Variants in NTRK2 observed in about 807,000 individuals in gnomAD.
The protein encoded by NTRK2 is neurotrophic receptor tyrosine kinase 2.
NTRK2 carries 13 observed loss-of-function variants against 94.5 expected under a neutral mutation model. The observed-to-expected ratio is 0.14, with a 90% confidence interval of 0.09 to 0.22. The LOEUF (loss-of-function observed/expected upper bound fraction) is 0.22, where lower values mean the gene tolerates loss of function less well. Among genes scored for constraint, NTRK2 ranks in the 10% least tolerant of loss-of-function variants. The pLI, the probability that NTRK2 is intolerant of heterozygous loss-of-function variation, is 1.00. For missense variants in NTRK2, 639 were observed against 1,071.2 expected, an observed-to-expected ratio of 0.60 and a Z score of 5.63; for synonymous variants, 372 against 407.4, an observed-to-expected ratio of 0.91 and a Z score of 1.05.
chr9:84,960,917 C>A (rs1824841169), intron 17 of NTRK2, among the ~76,000 whole-genome samples: 1 of 152,144 alleles, frequency 6.6e-6, no homozygotes, highest in South Asian at 2.1e-4. Context: ...GGACTCCCAC[C>A]AGGACTCCCA....
chr9:84,926,169 CCTTTCTTTCTTTCTTTCTTTCTTT>C (rs869183621), intron 14 of NTRK2, among the ~76,000 whole-genome samples: 84 of 38,544 alleles, frequency 2.2e-3, no homozygotes, highest in African/African-American at 3.7e-3. Context: ...TTCCTTCCTT[CCTTTCTTTCTTTCTTTCTTTCTTT>C]CTTTCTTTCT....
At chr9:84,835,694 G>A (rs906116962) in intron 12 of NTRK2, among the ~76,000 whole-genome samples, 8 of 152,178 alleles carry the variant, frequency 5.3e-5, no homozygotes, top group Non-Finnish European at 1.0e-4. Context: ...TAGCCGCATG[G>A]GTAACAGCAG....
chr9:84,698,585 G>A (rs376661894), intron 2 of NTRK2, among the ~76,000 whole-genome samples: 6 of 152,126 alleles, frequency 3.9e-5, no homozygotes, highest in East Asian at 3.8e-4. Flanking sequence ...GCCCTGAAGG[G>A]TTCTGATTTA....
intron 12 of NTRK2, among the ~76,000 whole-genome samples, chr9:84,757,617 A>G (rs1440720342): frequency 6.6e-6 from 1 of 152,224 alleles, no homozygotes; most frequent in African/African-American, 2.4e-5. Context: ...TAATGGGACA[A>G]TACTAATACC....
chr9:84,951,502 T>C (rs1564495522), intron 16 of NTRK2, among the ~76,000 whole-genome samples: 1 of 152,176 alleles, frequency 6.6e-6, no homozygotes, highest in South Asian at 2.1e-4. Flanking sequence ...CTGGATGCAA[T>C]TAAATGCTTC....
chr9:84,852,808 C>T (rs2074847258), intron 12 of NTRK2, among the ~76,000 whole-genome samples: 1 of 152,206 alleles, frequency 6.6e-6, no homozygotes, highest in Non-Finnish European at 1.5e-5. Context: ...ATCAAGACAG[C>T]TTGCTATGTT....
intron 14 of NTRK2, among the ~76,000 whole-genome samples, chr9:84,887,037 C>G (rs1378689584): frequency 6.6e-6 from 1 of 152,098 alleles, no homozygotes; most frequent in East Asian, 1.9e-4. Flanking sequence ...GAGGGTAAAA[C>G]AAGTGTGGGG....
chr9:84,729,780 A>C (rs749473314), intron 9 of NTRK2, among the ~76,000 whole-genome samples: 3 of 152,198 alleles, frequency 2.0e-5, no homozygotes, highest in Non-Finnish European at 4.4e-5. Flanking sequence ...TGCAGTGAAA[A>C]GCTGTCAGAA....
intron 12 of NTRK2, among the ~76,000 whole-genome samples, chr9:84,756,758 C>A (rs568387113): frequency 6.6e-6 from 1 of 152,262 alleles, no homozygotes; most frequent in South Asian, 2.1e-4. Flanking sequence ...CTCCCCTATC[C>A]ACATTCATTT....
At chr9:84,779,684 T>C (rs893230519) in intron 12 of NTRK2, among the ~76,000 whole-genome samples, 4 of 152,110 alleles carry the variant, frequency 2.6e-5, no homozygotes, top group African/African-American at 9.7e-5. Flanking sequence ...TAGTTGTGGG[T>C]TGTTTAAAGG....
chr9:84,812,350 C>T, intron 12 of NTRK2: 1 of 1,058,810 alleles, frequency 9.4e-7, no homozygotes, highest in East Asian at 5.2e-5. Flanking sequence ...CATACCCATG[C>T]CTTAAAGAGG....
chr9:84,832,324 C>A lies in NTRK2; in HGVS notation c.1397-28716C>A, dbSNP rs73651124. On this transcript the variant is annotated intron_variant, in intron 12 of 18. Coordinates refer to ENST00000277120, the MANE Select transcript of NTRK2 (RefSeq NM_006180.6). Reference sequence around the variant, plus strand: ...AGACATACCTTCAAAGGTTTACGTCCTCACAGGGAATTTTAAGTTCACAAG... The same window carrying A: ...AGACATACCTTCAAAGGTTTACGTCATCACAGGGAATTTTAAGTTCACAAG... Among the ~76,000 whole-genome samples, 321 of 152,282 alleles carry A rather than the reference C, an allele frequency of 2.1e-3. 1 individual carries two copies. Among genetic ancestry groups the A allele is most frequent in the African/African-American group, 7.4e-3 (307 of 41,562 alleles).
At chr9:84,812,690 A>G (rs751202319) in intron 12 of NTRK2, 43 of 1,042,096 alleles carry the variant, frequency 4.1e-5, no homozygotes, top group South Asian at 4.6e-5. Context: ...TAAAGCTTTT[A>G]TGTTATACCA....
At chr9:84,726,088 T>C (rs2062430584) in intron 8 of NTRK2, among the ~76,000 whole-genome samples, 1 of 152,206 alleles carries the variant, frequency 6.6e-6, no homozygotes, top group Admixed American at 6.5e-5. Context: ...AAACTTGAGT[T>C]TTTTTCTCAG....
intron 12 of NTRK2, among the ~76,000 whole-genome samples, chr9:84,770,847 A>T (rs2066476497): frequency 6.6e-6 from 1 of 152,214 alleles, no homozygotes; most frequent in African/African-American, 2.4e-5. Context: ...AGTAATTGGT[A>T]GAACCACAAT....
intron 12 of NTRK2, among the ~76,000 whole-genome samples, chr9:84,793,012 A>G (rs1196692544): frequency 1.3e-5 from 2 of 152,148 alleles, no homozygotes; most frequent in African/African-American, 4.8e-5. Context: ...CATCATTATC[A>G]TCAGGGCCTA....
At chr9:85,001,492 T>C (rs1326463718) in intron 17 of NTRK2, among the ~76,000 whole-genome samples, 2 of 152,182 alleles carry the variant, frequency 1.3e-5, no homozygotes, top group Non-Finnish European at 1.5e-5. Context: ...AAACAGAAGC[T>C]CAAATGCACA....
rs147507586 is a variant in NTRK2, at chr9:84,757,034, G to C, written c.1396+4949G>C. On this transcript the variant is annotated intron_variant, in intron 12 of 18. Coordinates refer to ENST00000277120, the MANE Select transcript of NTRK2 (RefSeq NM_006180.6). ...AAAACAATTCTGGGAAATTTAAGAG[G>C]TTGAGTTTAACAGATATTTGGATCA... is the stretch of plus-strand genomic sequence containing the variant. Among the ~76,000 whole-genome samples the C allele has an allele frequency of 3.2e-4, 49 of 152,338 alleles. 1 individual carries two copies. Among genetic ancestry groups the C allele is most frequent in the Admixed American group, 3.2e-3 (49 of 15,302 alleles).
chr9:84,730,997 T>A (rs1215544843), intron 9 of NTRK2, among the ~76,000 whole-genome samples: 2 of 152,082 alleles, frequency 1.3e-5, no homozygotes, highest in Non-Finnish European at 2.9e-5. Flanking sequence ...TTCCCTTTTT[T>A]TATTTGTTAT....
Sources: gnomAD v4.1 joint callset for allele counts (sites outside exome capture counted in the v4.1 genomes callset) on GRCh38, gnomAD v4.1.1 for gene constraint, MANE v1.5 for transcripts, NCBI Gene and HGNC (gene_info 2026-07-23, HGNC 2026-07-21) for gene names.